ZNF385D: variants seen among roughly 807,000 people sequenced by gnomAD.
ZNF385D encodes zinc finger protein 659.
Under a neutral mutation model 35.8 loss-of-function variants are expected in ZNF385D, and 15 were observed. The observed-to-expected ratio is 0.42, with a 90% CI of 0.28 to 0.64. The LOEUF is 0.64. Among genes scored for constraint, ZNF385D ranks in the 30% least tolerant of loss-of-function variants. ZNF385D has a pLI of 0.23. For synonymous variants in ZNF385D, 212 were observed against 186.8 expected (o/e 1.13, Z -1.10); for missense variants, 474 against 494.6 (o/e 0.96, Z 0.39).
chr3:21,871,820 A>G (rs1697706865), intron 3 of ZNF385D, among the ~76,000 whole-genome samples: 1 of 152,042 alleles, frequency 6.6e-6, no homozygotes, highest in East Asian at 1.9e-4. Context: ...AGCATGGCCA[A>G]CATGATGAAA....
intron 2 of ZNF385D, among the ~76,000 whole-genome samples, chr3:22,250,367 A>ATT (rs34380728): frequency 1.3e-5 from 2 of 151,710 alleles, no homozygotes; most frequent in African/African-American, 2.4e-5. Context: ...GAATGACATA[A>ATT]TTTTTTAAAA....
At chr3:21,853,371 G>C (rs2336053) in intron 3 of ZNF385D, among the ~76,000 whole-genome samples, 30,884 of 151,610 alleles carry the variant, frequency 0.2, 3,328 homozygotes, top group Admixed American at 0.26. Context: ...ATATCTATTA[G>C]ATCAGAAATA....
intron 2 of ZNF385D, among the ~76,000 whole-genome samples, chr3:22,218,654 G>A (rs542161410): frequency 7.2e-5 from 11 of 152,186 alleles, no homozygotes; most frequent in African/African-American, 2.6e-4. Flanking sequence ...TGCTGGCCCA[G>A]AAGGTTCTTA....
At chr3:21,613,946 G>C (rs1289331389) in intron 2 of ZNF385D, among the ~76,000 whole-genome samples, 6 of 152,180 alleles carry the variant, frequency 3.9e-5, no homozygotes, top group Non-Finnish European at 8.8e-5. Flanking sequence ...AAACACAGAT[G>C]GTTCAGCTGT....
intron 3 of ZNF385D, among the ~76,000 whole-genome samples, chr3:21,941,557 G>A (rs550477658): frequency 7.4e-6 from 1 of 134,782 alleles, no homozygotes; most frequent in Admixed American, 8.2e-5. Context: ...GAATGCAGTG[G>A]CATGATCTCG....
intron 3 of ZNF385D, among the ~76,000 whole-genome samples, chr3:21,800,141 A>G (rs765567838): frequency 1.3e-5 from 2 of 152,156 alleles, no homozygotes; most frequent in African/African-American, 2.4e-5. Context: ...TTTGATTTTT[A>G]TAGCTTTGTA....
At chr3:22,110,780 A>G (rs1702478773) in intron 3 of ZNF385D, among the ~76,000 whole-genome samples, 1 of 144,030 alleles carries the variant, frequency 6.9e-6, no homozygotes, top group Admixed American at 7.3e-5. Context: ...CTAAAACTTA[A>G]AGTATAATAA....
intron 3 of ZNF385D, among the ~76,000 whole-genome samples, chr3:21,822,964 G>A (rs931796926): frequency 1.3e-5 from 2 of 152,044 alleles, no homozygotes; most frequent in Non-Finnish European, 2.9e-5. Flanking sequence ...TCAAAATTCA[G>A]AAGAGTAAGT....
At chr3:21,729,889 A>G (rs1440265088) in intron 1 of ZNF385D, among the ~76,000 whole-genome samples, 8 of 152,206 alleles carry the variant, frequency 5.3e-5, no homozygotes, top group Non-Finnish European at 2.9e-5. Context: ...TCCTGCTGGA[A>G]TGCAGGAGCA....
At chr3:21,855,742 T>G (rs927344401) in intron 3 of ZNF385D, among the ~76,000 whole-genome samples, 2 of 152,174 alleles carry the variant, frequency 1.3e-5, no homozygotes, top group South Asian at 4.1e-4. Flanking sequence ...AAAGTAAATT[T>G]AAAGTAATAA....
intron 3 of ZNF385D, among the ~76,000 whole-genome samples, chr3:21,856,913 A>C (rs1696745233): frequency 6.6e-6 from 1 of 152,118 alleles, no homozygotes. Context: ...CGTCCAAGGC[A>C]TGAAATCAAA....
intron 3 of ZNF385D, among the ~76,000 whole-genome samples, chr3:22,075,096 T>C (rs1294954532): frequency 6.6e-6 from 1 of 151,924 alleles, no homozygotes; most frequent in African/African-American, 2.4e-5. Flanking sequence ...TCCAGAGATT[T>C]TGATTAGCTG....
intron 2 of ZNF385D, among the ~76,000 whole-genome samples, chr3:22,279,572 G>T (rs1222794652): frequency 7.0e-6 from 1 of 143,374 alleles, no homozygotes; most frequent in Non-Finnish European, 1.5e-5. Context: ...ACATATATAT[G>T]TATATACATA....
intron 3 of ZNF385D, among the ~76,000 whole-genome samples, chr3:21,837,445 A>G (rs1478314616): frequency 6.6e-6 from 1 of 152,122 alleles, no homozygotes; most frequent in Non-Finnish European, 1.5e-5. Flanking sequence ...CTCTTTCTAC[A>G]TCCCAGGCTT....
intron 2 of ZNF385D, among the ~76,000 whole-genome samples, chr3:22,330,310 A>T (rs1694876832): frequency 6.6e-6 from 1 of 152,152 alleles, no homozygotes. Context: ...AATCAACTTT[A>T]TCCAGGGTAA....
chr3:22,291,700 A>G (rs150341948), intron 2 of ZNF385D, among the ~76,000 whole-genome samples: 3 of 152,056 alleles, frequency 2.0e-5, no homozygotes, highest in East Asian at 3.9e-4. Context: ...GATCTTGTGT[A>G]TATTTGTTCT....
chr3:22,178,267 G>A (rs1465990565), intron 2 of ZNF385D, among the ~76,000 whole-genome samples: 2 of 152,138 alleles, frequency 1.3e-5, no homozygotes, highest in East Asian at 3.9e-4. Context: ...ACTTTTTAAT[G>A]ATTGCCATTC....
intron 3 of ZNF385D, among the ~76,000 whole-genome samples, chr3:22,074,935 A>T (rs1700393677): frequency 6.6e-6 from 1 of 151,922 alleles, no homozygotes; most frequent in Non-Finnish European, 1.5e-5. Flanking sequence ...AAGAAACCTG[A>T]ATCAGAAATG....
chr3:22,025,225 T>G (rs1299574948), intron 3 of ZNF385D, among the ~76,000 whole-genome samples: 1 of 152,084 alleles, frequency 6.6e-6, no homozygotes, highest in Non-Finnish European at 1.5e-5. Context: ...TCCACTTCTG[T>G]CTAAGGACAT....
Sources: allele counts gnomAD v4.1 joint callset (sites outside exome capture counted in the v4.1 genomes callset), GRCh38; gene constraint gnomAD v4.1.1; transcripts MANE v1.5; gene names NCBI Gene and HGNC (gene_info 2026-07-23, HGNC 2026-07-21).